Variants in NARS2 observed in about 807,000 individuals in gnomAD.
NARS2 encodes the protein asparaginyl-tRNA synthetase.
NARS2 carries 60 observed loss-of-function variants against 62.9 expected under a neutral mutation model. The ratio of observed to expected loss-of-function variants is 0.95; its 90% CI spans 0.77 to 1.18. The LOEUF (loss-of-function observed/expected upper bound fraction) is 1.18. Ranked by LOEUF, NARS2 falls within the 50% of genes most tolerant of loss-of-function variation. The pLI is 0.00. For synonymous variants in NARS2, 196 were observed against 200.0 expected (o/e 0.98, Z 0.17); for missense variants, 619 against 576.4 (o/e 1.07, Z -0.76).
intron 11 of NARS2, among the ~76,000 whole-genome samples, chr11:78,452,035 A>C (rs913358910): frequency 2.6e-5 from 4 of 152,180 alleles, no homozygotes; most frequent in African/African-American, 9.7e-5. Flanking sequence ...AAGTATCCAT[A>C]TCTTTTAGTT....
chr11:78,560,110 C>T (rs1422219980), intron 4 of NARS2, among the ~76,000 whole-genome samples: 2 of 152,076 alleles, frequency 1.3e-5, no homozygotes, highest in Non-Finnish European at 1.5e-5. Context: ...GAAATATGAC[C>T]TCAATTGTAA....
At chr11:78,451,402 A>C (rs535807518) in intron 11 of NARS2, among the ~76,000 whole-genome samples, 2 of 152,384 alleles carry the variant, frequency 1.3e-5, no homozygotes, top group East Asian at 3.9e-4. Context: ...ACATAAAGAT[A>C]TAATACAAAC....
chr11:78,558,385 A>T (rs191106131), intron 5 of NARS2: 76 of 152,358 alleles, frequency 5.0e-4, no homozygotes, highest in African/African-American at 1.6e-3. Context: ...GTTCAATAAT[A>T]TAAAGCACCA....
intron 4 of NARS2, among the ~76,000 whole-genome samples, chr11:78,563,881 C>CAA: frequency 9.9e-6 from 1 of 100,556 alleles, no homozygotes; most frequent in African/African-American, 5.1e-5. Flanking sequence ...TATACACACA[C>CAA]ACAGTATTAT....
chr11:78,499,092 AT>A (rs1860184533), intron 6 of NARS2, among the ~76,000 whole-genome samples: 1 of 149,760 alleles, frequency 6.7e-6, no homozygotes, highest in Non-Finnish European at 1.5e-5. Flanking sequence ...AATTTTTTGT[AT>A]TTTCAGTAGA....
Position 78,458,398 on chromosome 11 carries a change from T to C in NARS2, c.1164+7478A>G, listed in dbSNP as rs538717704. Among the ~76,000 whole-genome samples the C allele has an allele frequency of 1.3e-4, 20 of 152,320 alleles. No homozygotes were observed. The South Asian group carries it at 3.5e-3, about 27-fold the overall frequency. The stretch of plus-strand genomic sequence containing the variant: ...TGATTTAATCCTCACAACTCCATAA[T>C]ATATTATGGTCTCATTTTTACAGAT... On this transcript the variant is annotated intron_variant, in intron 11 of 13. Transcript: ENST00000281038.
chr11:78,532,697 T>C (rs10899539), intron 5 of NARS2, among the ~76,000 whole-genome samples: 98,038 of 152,044 alleles, frequency 0.64, 34,994 homozygotes, highest in Non-Finnish European at 0.81. Context: ...CCTTACCTCT[T>C]AGTTACTAAT....
intron 5 of NARS2, 92 bp downstream of exon 5, chr11:78,559,447 C>T (rs1016855458): frequency 3.9e-5 from 33 of 839,556 alleles, no homozygotes; most frequent in Non-Finnish European, 6.4e-5. Context: ...TGCTCATAGT[C>T]TTCTGTCCAC....
At chr11:78,523,860 T>G (rs1269756936) in intron 6 of NARS2, among the ~76,000 whole-genome samples, 1 of 152,098 alleles carries the variant, frequency 6.6e-6, no homozygotes, top group East Asian at 1.9e-4. Context: ...ATTTGTCTTT[T>G]GGGAGTGATA....
At chr11:78,481,031 G>C (rs920708500) in intron 7 of NARS2, among the ~76,000 whole-genome samples, 7 of 152,044 alleles carry the variant, frequency 4.6e-5, no homozygotes, top group East Asian at 3.9e-4. Flanking sequence ...ATGTTGGCCA[G>C]GCTGGTCTCT....
At chr11:78,515,140 C>G (rs1015094852) in intron 6 of NARS2, among the ~76,000 whole-genome samples, 1 of 152,164 alleles carries the variant, frequency 6.6e-6, no homozygotes, top group Non-Finnish European at 1.5e-5. Context: ...GTGACTGACA[C>G]ACAGAACCTT....
chr11:78,491,865 G>A (rs12226618), intron 7 of NARS2, among the ~76,000 whole-genome samples: 12,414 of 151,970 alleles, frequency 0.082, 873 homozygotes, highest in East Asian at 0.4. Context: ...TGATATATAT[G>A]GTATTTATGT....
In NARS2 at chr11:78,574,528, C is replaced by G; in HGVS notation, c.-40G>C. ...GGCCCTCCGCGGGAGCAGCCCAGAC[C>G]CCACGGTTCGAACCCCGCCTGCAGC... On this transcript the variant is annotated 5_prime_UTR_variant, in exon 1 of 14. Coordinates refer to ENST00000281038, the MANE Select transcript of NARS2 (RefSeq NM_024678.6). 1 of 1,556,380 alleles carries G rather than the reference C, an allele frequency of 6.4e-7. No individual in the cohort carries two copies. The highest frequency in any genetic ancestry group is 8.7e-7 in the Non-Finnish European group (1 of 1,153,920).
chr11:78,499,864 C>T (rs1005549000), intron 6 of NARS2, among the ~76,000 whole-genome samples: 1 of 152,166 alleles, frequency 6.6e-6, no homozygotes, highest in Non-Finnish European at 1.5e-5. Context: ...TTCTTTCTAA[C>T]TGAATATTTA....
intron 6 of NARS2, among the ~76,000 whole-genome samples, chr11:78,505,782 A>G (rs1366963221): frequency 6.6e-6 from 1 of 152,200 alleles, no homozygotes; most frequent in East Asian, 1.9e-4. Context: ...ATCCCTAGGA[A>G]AAAACATGGA....
chr11:78,556,370 T>C (rs185864343), intron 5 of NARS2, among the ~76,000 whole-genome samples: 3 of 152,274 alleles, frequency 2.0e-5, no homozygotes, highest in African/African-American at 7.2e-5. Flanking sequence ...TTATTTCCCA[T>C]CAACTTCTAG....
At chr11:78,498,699 G>A (rs1860160577) in intron 6 of NARS2, among the ~76,000 whole-genome samples, 1 of 147,310 alleles carries the variant, frequency 6.8e-6, no homozygotes, top group East Asian at 2.0e-4. Context: ...TGTTGGTTTG[G>A]TGAAAAAACC....
Position 78,521,845 on chromosome 11 carries a change from G to T in NARS2, c.689+6997C>A, listed in dbSNP as rs1861139691. Among the ~76,000 whole-genome samples, 3 of 149,646 alleles carry T rather than the reference G, an allele frequency of 2.0e-5. No individual in the cohort carries two copies. The South Asian group carries it at 6.3e-4, about 32-fold the overall frequency. On this transcript the variant is annotated intron_variant, in intron 6 of 13. Coordinates refer to ENST00000281038, the MANE Select transcript of NARS2 (RefSeq NM_024678.6). ...GATACATGGTTGTAGCCTTTTTGTA[G>T]TTTTTGCAGATCACAGTTCAGAATT...
Sources: allele counts gnomAD v4.1 joint callset (sites outside exome capture counted in the v4.1 genomes callset), GRCh38; gene constraint gnomAD v4.1.1; transcripts MANE v1.5; gene names NCBI Gene and HGNC (gene_info 2026-07-23, HGNC 2026-07-21).